The following GALK2 variants were observed in gnomAD, a reference collection of about 807,000 sequenced individuals.
The protein encoded by GALK2 is galactokinase 2.
Under a neutral mutation model 52.4 loss-of-function variants are expected in GALK2, and 36 were observed. The ratio of observed to expected loss-of-function variants is 0.69; its 90% CI spans 0.53 to 0.91. The LOEUF is 0.91. GALK2 is among the 40% of genes least tolerant of loss of function. The probability of loss-of-function intolerance (pLI) is 0.00; values close to 1 mark genes in which losing one functional copy is unlikely to be tolerated. For missense variants in GALK2, 579 were observed against 559.1 expected (o/e 1.04, Z -0.36); for synonymous variants, 176 against 199.1 (o/e 0.88, Z 0.98).
intron 5 of GALK2, among the ~76,000 whole-genome samples, chr15:49,264,644 G>A (rs1245229182): frequency 1.3e-5 from 2 of 152,122 alleles, no homozygotes; most frequent in Non-Finnish European, 2.9e-5. Context: ...AGGAGGAGAG[G>A]CGCTCTGCTT....
At chr15:49,164,780 CAAAAAAAAAAAAAAA>C (rs36107125) in intron 1 of GALK2, among the ~76,000 whole-genome samples, 2 of 65,182 alleles carry the variant, frequency 3.1e-5, no homozygotes, top group African/African-American at 5.7e-5. Flanking sequence ...AACTCCGTCT[CAAAAAAAAAAAAAAA>C]AAAAAAAAAA....
chr15:49,171,929 G>A (rs1159334508), intron 1 of GALK2, among the ~76,000 whole-genome samples: 1 of 151,956 alleles, frequency 6.6e-6, no homozygotes, highest in Non-Finnish European at 1.5e-5. Context: ...CCGCCACCAC[G>A]CCCCGTTATT....
At chr15:49,358,971 AAAAC>A (rs1324065177) in intron 3 of GALK2, among the ~76,000 whole-genome samples, 1 of 150,568 alleles carries the variant, frequency 6.6e-6, no homozygotes, top group African/African-American at 2.4e-5. Flanking sequence ...AAACCTGAGA[AAAAC>A]AAGCAATGGG....
intron 3 of GALK2, among the ~76,000 whole-genome samples, chr15:49,233,116 T>C (rs2090597556): frequency 6.6e-6 from 1 of 152,162 alleles, no homozygotes; most frequent in Admixed American, 6.5e-5. Context: ...GAGTGATTTA[T>C]AAGGAAAAGA....
Position 49,282,046 on chromosome 15 carries a change from C to T in GALK2, c.564C>T (p.Gly188=). Residue 188 remains glycine (G), a synonymous_variant, in exon 6 of 10, where the codon GGC becomes GGT. Transcript: ENST00000560031. ...GTTACATTGGCACTGAAGGAGGAGG[C>T]ATGGACCAGTCTATATCATTTCTTG... The part of the protein sequence containing the change: ...SERYIGTEGG[G]MDQSISFLAE... 1.2e-6 allele frequency: 2 copies of T among 1,613,620 alleles called. No individual in the cohort carries two copies. The highest frequency in any genetic ancestry group is 1.1e-5 in the South Asian group (1 of 91,034).
At chr15:49,335,616 C>CAA (rs2151178945), downstream of GALK2, 1 of 609,134 alleles carries the variant, frequency 1.6e-6, no homozygotes, top group East Asian at 2.7e-5. Flanking sequence ...TGAAGAGTCT[C>CAA]AAGTATAAAC....
At chr15:49,278,055 G>A (rs2032126518) in intron 5 of GALK2, among the ~76,000 whole-genome samples, 1 of 151,850 alleles carries the variant, frequency 6.6e-6, no homozygotes, top group African/African-American at 2.4e-5. Context: ...GAGGTCAGGA[G>A]ATCAAGACCA....
Position 49,283,567 on chromosome 15 carries a change from C to G in GALK2, c.605C>G (p.Ala202Gly), listed in dbSNP as rs2032997225. 22 of 1,608,764 alleles carry G rather than the reference C, an allele frequency of 1.4e-5. No homozygotes were observed. Among genetic ancestry groups the G allele is most frequent in the Admixed American group, 3.4e-5 (2 of 59,352 alleles). ...SISFLAEEGTAKLIEFSPLRA... is the reference protein window; with the variant it reads ...SISFLAEEGTGKLIEFSPLRA... ...CTCCTTTCATTTTTCTTCTAACAGG[C>G]CAAGTTGATAGAATTTAGTCCTCTG... Residue 202 changes from alanine to glycine, a missense_variant and splice_region_variant, in exon 7 of 10, where the codon GCC (alanine) becomes GGC (glycine). Ala to Gly is a moderately conservative substitution (Grantham distance 60, BLOSUM62 0). Transcript: ENST00000560031.
chr15:49,306,840 C>T (rs956696738), intron 8 of GALK2, among the ~76,000 whole-genome samples: 3 of 152,156 alleles, frequency 2.0e-5, no homozygotes, highest in Admixed American at 6.5e-5. Context: ...GAGAGTGAGA[C>T]ACAAAAATGT....
intron 9 of GALK2, among the ~76,000 whole-genome samples, chr15:49,325,210 T>C (rs2037267121): frequency 6.6e-6 from 1 of 152,240 alleles, no homozygotes; most frequent in Non-Finnish European, 1.5e-5. Flanking sequence ...TCTCCATCCC[T>C]CATCTGCCCT....
downstream of GALK2, among the ~76,000 whole-genome samples, chr15:49,335,129 G>A (rs1182844416): frequency 6.6e-6 from 1 of 152,106 alleles, no homozygotes; most frequent in Non-Finnish European, 1.5e-5. Flanking sequence ...GTAAATGGAC[G>A]ATACTCCAGT....
intron 8 of GALK2, among the ~76,000 whole-genome samples, chr15:49,316,206 A>G (rs1435359685): frequency 6.6e-6 from 1 of 152,222 alleles, no homozygotes; most frequent in South Asian, 2.1e-4. Context: ...CTGGTGGACA[A>G]TTGGGAAAAT....
chr15:49,175,764 C>T (rs1310142338), intron 1 of GALK2, among the ~76,000 whole-genome samples: 1 of 152,190 alleles, frequency 6.6e-6, no homozygotes, highest in African/African-American at 2.4e-5. Flanking sequence ...CAGTGCCACA[C>T]CCTGGGCCTG....
Position 49,265,766 on chromosome 15 carries a change from G to T in GALK2, c.505-16221G>T, listed in dbSNP as rs560732249. On this transcript the variant is annotated intron_variant, in intron 5 of 9. Transcript: ENST00000560031. ...TTTAACTGAATGGAACAAAATGTTT[G>T]AAATTGTTTGAATGTTTGAATATTC... 2.6e-5 allele frequency among the ~76,000 whole-genome samples: 4 copies of T among 152,276 alleles called. No individual in the cohort carries two copies. The East Asian group carries it at 7.7e-4, about 29-fold the overall frequency.
chr15:49,175,247 A>G (rs1393011174), intron 1 of GALK2, among the ~76,000 whole-genome samples: 1 of 152,222 alleles, frequency 6.6e-6, no homozygotes, highest in Non-Finnish European at 1.5e-5. Context: ...GGCTGAAACT[A>G]GCTTAAGGTC....
At chr15:49,314,499 A>G (rs1029688111) in intron 8 of GALK2, among the ~76,000 whole-genome samples, 4 of 152,194 alleles carry the variant, frequency 2.6e-5, no homozygotes, top group Non-Finnish European at 5.9e-5. Context: ...TTTATATTCC[A>G]TATTGTACTT....
chr15:49,316,752 G>A (rs925604430), intron 8 of GALK2, among the ~76,000 whole-genome samples: 1 of 152,174 alleles, frequency 6.6e-6, no homozygotes, highest in African/African-American at 2.4e-5. Flanking sequence ...CCCAGGAGGA[G>A]AGAAAGTCAT....
intron 3 of GALK2, chr15:49,366,023 G>A (rs2045119470): frequency 1.2e-6 from 1 of 802,454 alleles, no homozygotes; most frequent in Non-Finnish European, 2.3e-6. Flanking sequence ...ACAACTGTAA[G>A]AGGACTAAAA....
intron 3 of GALK2, among the ~76,000 whole-genome samples, chr15:49,358,775 G>A (rs1302832782): frequency 6.6e-5 from 10 of 152,046 alleles, no homozygotes; most frequent in Non-Finnish European, 1.5e-4. Context: ...AGCCTGCATC[G>A]CCAAGTCAAA....
Sources: gnomAD v4.1 joint callset for allele counts (sites outside exome capture counted in the v4.1 genomes callset) on GRCh38, gnomAD v4.1.1 for gene constraint, MANE v1.5 for transcripts, NCBI Gene and HGNC (gene_info 2026-07-23, HGNC 2026-07-21) for gene names.